The following ERAP1 variants were observed in gnomAD, a reference collection of about 807,000 sequenced individuals.
The protein encoded by ERAP1 is adipocyte-derived leucine aminopeptidase.
Under a neutral mutation model 103.7 loss-of-function variants are expected in ERAP1, and 86 were observed. That is an observed-to-expected ratio of 0.83 (90% CI 0.70 to 0.99). ERAP1 has a LOEUF of 0.99. Among genes scored for constraint, ERAP1 ranks in the 50% least tolerant of loss-of-function variants. The pLI is 0.00. For missense variants in ERAP1, 1,009 were observed against 1,128.4 expected (o/e 0.89, Z 1.52); for synonymous variants, 398 against 402.4 (o/e 0.99, Z 0.13).
the ERAP1 span, chr5:96,896,299 A>C: frequency 9.0e-6 from 11 of 1,223,006 alleles, no homozygotes; most frequent in African/African-American, 3.1e-5. Context: ...ACATCTTACT[A>C]AACCTACTAT....
chr5:96,914,721 T>G, the ERAP1 span, among the ~76,000 whole-genome samples: 1 of 152,186 alleles, frequency 6.6e-6, no homozygotes, highest in East Asian at 1.9e-4. Context: ...TATAAAACAT[T>G]GGGTTGAAGG....
At chr5:96,922,890 T>C in the ERAP1 span, among the ~76,000 whole-genome samples, 3 of 152,260 alleles carry the variant, frequency 2.0e-5, no homozygotes, top group African/African-American at 7.2e-5. Flanking sequence ...AAGCCATTAT[T>C]AGGTAGGACG....
intron 18 of ERAP1, among the ~76,000 whole-genome samples, chr5:96,778,473 G>GAAAC (rs1386834218): frequency 2.0e-5 from 3 of 152,130 alleles, no homozygotes; most frequent in Non-Finnish European, 4.4e-5. Flanking sequence ...AAAGACAGGA[G>GAAAC]AAACATGTGG....
chr5:96,873,180 C>T, the ERAP1 span: 2 of 367,598 alleles, frequency 5.4e-6, no homozygotes, highest in Admixed American at 6.5e-5. Flanking sequence ...CAGAGTGAGA[C>T]TTTGTCAAAA....
the ERAP1 span, among the ~76,000 whole-genome samples, chr5:96,856,365 T>TATATATATATATATATATATAGAGAG: frequency 5.9e-4 from 12 of 20,372 alleles, no homozygotes; most frequent in Admixed American, 1.2e-3. Context: ...TATATATATA[T>TATATATATATATATATATATAGAGAG]AGAGAGAGAG....
At chr5:96,873,331 G>C in the ERAP1 span, 1 of 456,192 alleles carries the variant, frequency 2.2e-6, no homozygotes, top group Non-Finnish European at 4.4e-6. Context: ...ATAGGTGCTA[G>C]AAAGAGGTGG....
chr5:96,892,207 C>A, the ERAP1 span: 1 of 1,318,090 alleles, frequency 7.6e-7, no homozygotes, highest in Non-Finnish European at 1.1e-6. Context: ...CTTAAATATG[C>A]TTAAAGGATC....
the ERAP1 span, among the ~76,000 whole-genome samples, chr5:96,854,112 AAC>A: frequency 5.3e-5 from 8 of 151,546 alleles, no homozygotes; most frequent in African/African-American, 9.7e-5. Flanking sequence ...AATAAACACA[AAC>A]ACACACACAC....
At chr5:96,845,292 TG>T in the ERAP1 span, among the ~76,000 whole-genome samples, 1 of 152,146 alleles carries the variant, frequency 6.6e-6, no homozygotes, top group African/African-American at 2.4e-5. Flanking sequence ...TGGAGTGCAG[TG>T]GCACAATCTC....
At chr5:96,900,442 G>A in the ERAP1 span, among the ~76,000 whole-genome samples, 19 of 152,098 alleles carry the variant, frequency 1.2e-4, no homozygotes, top group African/African-American at 1.7e-4. Context: ...ATATCTCAGC[G>A]CAAAATGTTT....
At chr5:96,829,111 G>T in the ERAP1 span, among the ~76,000 whole-genome samples, 160 of 152,300 alleles carry the variant, frequency 1.1e-3, no homozygotes, top group Admixed American at 9.8e-4. Context: ...CTCCCAAAGT[G>T]CTGGGATTAT....
intron 14 of ERAP1, 32 bp from the exon 15 acceptor site, chr5:96,783,267 G>C: frequency 6.3e-7 from 1 of 1,584,188 alleles, no homozygotes; most frequent in Non-Finnish European, 8.6e-7. Context: ...ACAGGGACCA[G>C]TATTGTCACA....
At chr5:96,777,125 C>A (rs982842811) in intron 18 of ERAP1, among the ~76,000 whole-genome samples, 1 of 152,088 alleles carries the variant, frequency 6.6e-6, no homozygotes, top group Non-Finnish European at 1.5e-5. Context: ...ATAAAGTTCC[C>A]CATGATTTTA....
chr5:96,889,708 C>T, the ERAP1 span, among the ~76,000 whole-genome samples: 3 of 152,048 alleles, frequency 2.0e-5, no homozygotes, highest in African/African-American at 7.2e-5. Flanking sequence ...CTCCCTGTGG[C>T]GGACATCAAC....
At chr5:96,886,479 A>G in the ERAP1 span, among the ~76,000 whole-genome samples, 83,082 of 151,646 alleles carry the variant, frequency 0.55, 22,755 homozygotes, top group Admixed American at 0.6. Flanking sequence ...TTGGGGTAAA[A>G]GCAATGGAGG....
At chr5:96,823,206 C>A in the ERAP1 span, 1 of 446,212 alleles carries the variant, frequency 2.2e-6, no homozygotes, top group Non-Finnish European at 4.5e-6. Context: ...TCATACACAT[C>A]CTGTCACCTT....
At chr5:96,845,794 T>G in the ERAP1 span, among the ~76,000 whole-genome samples, 15 of 152,212 alleles carry the variant, frequency 9.9e-5, no homozygotes, top group Non-Finnish European at 1.5e-4. Flanking sequence ...CTAGTCTAGC[T>G]CTAACACTCT....
chr5:96,856,318 CAAAAAAAAAAAAAAAA>C, the ERAP1 span, among the ~76,000 whole-genome samples: 1 of 12,170 alleles, frequency 8.2e-5, no homozygotes, highest in African/African-American at 2.6e-4. Flanking sequence ...GACTCCGTCT[CAAAAAAAAAAAAAAAA>C]AAAAAAAAAA....
the ERAP1 span, among the ~76,000 whole-genome samples, chr5:96,884,615 T>C: frequency 6.6e-6 from 1 of 152,202 alleles, no homozygotes; most frequent in Non-Finnish European, 1.5e-5. Context: ...TGGAGTGCAA[T>C]GGCGTGATCT....
Sources: gnomAD v4.1 joint callset for allele counts (sites outside exome capture counted in the v4.1 genomes callset) on GRCh38, gnomAD v4.1.1 for gene constraint, MANE v1.5 for transcripts, NCBI Gene and HGNC (gene_info 2026-07-23, HGNC 2026-07-21) for gene names.